Variants in PTPRD observed in about 807,000 individuals in gnomAD.
PTPRD encodes the protein protein tyrosine phosphatase receptor type D.
Under a neutral mutation model 214.5 loss-of-function variants are expected in PTPRD, and 34 were observed. The ratio of observed to expected loss-of-function variants is 0.16; its 90% CI spans 0.12 to 0.21. The LOEUF (loss-of-function observed/expected upper bound fraction) is 0.21, where lower values mean the gene tolerates loss of function less well. Among genes scored for constraint, PTPRD ranks in the 10% least tolerant of loss-of-function variants. The pLI is 1.00. For missense variants in PTPRD, 2,545 were observed against 2,398.7 expected, an observed-to-expected ratio of 1.06 and a Z score of -1.27; for synonymous variants, 1,128 against 845.7, an observed-to-expected ratio of 1.33 and a Z score of -5.79.
rs139834046 is a variant in PTPRD, at chr9:10,377,287, C to A, written c.-599-36270G>T. 3.4e-3 allele frequency among the ~76,000 whole-genome samples: 523 copies of A among 151,838 alleles called. 6 individuals are homozygous for A. The highest frequency in any genetic ancestry group is 0.012 in the African/African-American group (496 of 41,420). The stretch of plus-strand genomic sequence containing the variant: ...CCATTATGTATAAGTACCACATTTT[C>A]TTTTATTATTATTATTATTATACTT... On this transcript the variant is annotated intron_variant, in intron 2 of 45. Coordinates refer to ENST00000381196, the MANE Select transcript of PTPRD (RefSeq NM_002839.4).
chr9:10,270,784 C>G (rs1247691148), intron 3 of PTPRD, among the ~76,000 whole-genome samples: 1 of 152,158 alleles, frequency 6.6e-6, no homozygotes, highest in Non-Finnish European at 1.5e-5. Context: ...AAGAAATGAT[C>G]TGAAATATAC....
At chr9:10,536,614 T>C (rs79507915) in intron 2 of PTPRD, among the ~76,000 whole-genome samples, 85 of 152,286 alleles carry the variant, frequency 5.6e-4, no homozygotes, top group African/African-American at 2.0e-3. Flanking sequence ...TATGTTTTGC[T>C]GGAACTATGC....
At chr9:9,926,917 A>G (rs1246261649) in intron 5 of PTPRD, among the ~76,000 whole-genome samples, 1 of 152,160 alleles carries the variant, frequency 6.6e-6, no homozygotes, top group Non-Finnish European at 1.5e-5. Flanking sequence ...GTAGCACACC[A>G]AGATTAGTTT....
At position 9,387,841 on chromosome 9, in the gene PTPRD, G is replaced by T. The variant is rs748172783; in HGVS notation, c.-203+9608C>A. ...CTATGGCAATGTCTGTGGTAAAAAT[G>T]AATGTTTTTCATTTCATTTTCATTA... On this transcript the variant is annotated intron_variant, in intron 9 of 45. Coordinates refer to ENST00000381196, the MANE Select transcript of PTPRD (RefSeq NM_002839.4). 2.0e-5 allele frequency among the ~76,000 whole-genome samples: 3 copies of T among 152,226 alleles called. No individual in the cohort carries two copies. The East Asian group carries it at 5.8e-4, about 29-fold the overall frequency.
chr9:9,523,643 G>A (rs2097048412), intron 8 of PTPRD, among the ~76,000 whole-genome samples: 10 of 152,040 alleles, frequency 6.6e-5, no homozygotes, highest in Admixed American at 6.5e-4. Context: ...AGCAAACTAT[G>A]AAGGGCTGTT....
chr9:8,693,590 T>C (rs2097852029), intron 12 of PTPRD, among the ~76,000 whole-genome samples: 2 of 152,188 alleles, frequency 1.3e-5, no homozygotes, highest in African/African-American at 4.8e-5. Flanking sequence ...ACGAGGGGTG[T>C]ACATCAATCA....
At chr9:8,329,577 CAGGTGGGGATGT>C (rs1267296501) in intron 44 of PTPRD, among the ~76,000 whole-genome samples, 2 of 152,102 alleles carry the variant, frequency 1.3e-5, no homozygotes, top group Non-Finnish European at 2.9e-5. Flanking sequence ...TCAGAGCTGC[CAGGTGGGGATGT>C]TTACGTCTGC....
intron 3 of PTPRD, among the ~76,000 whole-genome samples, chr9:10,167,644 C>A (rs1389491218): frequency 1.3e-5 from 2 of 152,132 alleles, no homozygotes; most frequent in Admixed American, 6.5e-5. Context: ...ATGAAGTTTT[C>A]TGTTTAATAC....
rs2130699198 is a variant in PTPRD at position 8,319,842 on chromosome 9, C to A, written c.5659G>T (p.Val1887Leu). 6.2e-7 allele frequency: 1 copy of A among 1,612,822 alleles called. No individual in the cohort carries two copies. The highest frequency in any genetic ancestry group is 8.5e-7 in the Non-Finnish European group (1 of 1,179,294). Reference sequence around the variant, plus strand: ...ATGGATTTTCTCACCTCTGTCTGTACCATAGCTGGTCGTTGTGTTCTTAAC... The same window carrying A: ...ATGGATTTTCTCACCTCTGTCTGTAACATAGCTGGTCGTTGTGTTCTTAAC... ...KMLRTQRPAM[V>L]QTEDQYQFSY... Residue 1887 changes from valine to leucine, a missense_variant, in exon 45 of 46, where the codon GTA becomes TTA. Physicochemically the swap from Val to Leu is conservative, Grantham distance 32 (BLOSUM62 1). Coordinates refer to ENST00000381196, the MANE Select transcript of PTPRD (RefSeq NM_002839.4).
intron 14 of PTPRD, among the ~76,000 whole-genome samples, chr9:8,559,062 C>A (rs2085122401): frequency 6.6e-6 from 1 of 152,132 alleles, no homozygotes; most frequent in Non-Finnish European, 1.5e-5. Context: ...TTGTTTCTAT[C>A]TCTTTTATGC....
At chr9:10,188,953 C>A (rs1445480996) in intron 3 of PTPRD, among the ~76,000 whole-genome samples, 1 of 151,970 alleles carries the variant, frequency 6.6e-6, no homozygotes. Flanking sequence ...CTGCTGTAAC[C>A]ATTTGAAGGC....
At chr9:8,652,714 C>CT (rs1378517644) in intron 12 of PTPRD, among the ~76,000 whole-genome samples, 4 of 152,262 alleles carry the variant, frequency 2.6e-5, no homozygotes, top group African/African-American at 9.6e-5. Flanking sequence ...ATCCCAAGTA[C>CT]TTGAGTGTTA....
intron 5 of PTPRD, among the ~76,000 whole-genome samples, chr9:9,767,085 A>G (rs1039857665): frequency 6.6e-6 from 1 of 151,964 alleles, no homozygotes; most frequent in African/African-American, 2.4e-5. Flanking sequence ...TTGAACCCAA[A>G]GGACTTCTGT....
At chr9:9,488,931 G>T (rs908007447) in intron 8 of PTPRD, among the ~76,000 whole-genome samples, 2 of 152,106 alleles carry the variant, frequency 1.3e-5, no homozygotes, top group African/African-American at 4.8e-5. Flanking sequence ...TCTTTGCTTG[G>T]ATTGCTGATT....
chr9:9,879,582 A>T (rs776436256), intron 5 of PTPRD, among the ~76,000 whole-genome samples: 6 of 152,182 alleles, frequency 3.9e-5, no homozygotes, highest in Non-Finnish European at 5.9e-5. Flanking sequence ...ACAATTATAT[A>T]TTTTTTTCCA....
chr9:10,553,298 T>G, intron 2 of PTPRD, among the ~76,000 whole-genome samples: 1 of 152,074 alleles, frequency 6.6e-6, no homozygotes. Flanking sequence ...ACTTTTGTGA[T>G]TATGCTTGAG....
At position 10,420,097 on chromosome 9, in the gene PTPRD, A is replaced by C. The variant is rs117912650; in HGVS notation, c.-599-79080T>G. ...ATGATAAAATAATGACAATAATAAT[A>C]ATCATCATAAAATGAGTAAAAAGAG... On this transcript the variant is annotated intron_variant, in intron 2 of 45. Transcript: ENST00000381196. 9.1e-4 allele frequency among the ~76,000 whole-genome samples: 138 copies of C among 151,962 alleles called. 1 individual carries two copies. In the East Asian group the frequency reaches 0.018, roughly 20 times the overall value.
intron 4 of PTPRD, among the ~76,000 whole-genome samples, chr9:10,017,229 T>C (rs2096737902): frequency 6.6e-6 from 1 of 152,312 alleles, no homozygotes; most frequent in South Asian, 2.1e-4. Context: ...TGATAGCATA[T>C]TTTCATAAAG....
At chr9:9,369,261 C>G (rs566734398) in intron 9 of PTPRD, among the ~76,000 whole-genome samples, 1,678 of 152,210 alleles carry the variant, frequency 0.011, 31 homozygotes, top group African/African-American at 0.038. Context: ...CACATCCTCT[C>G]CAGCACCTGT....
Sources: allele counts gnomAD v4.1 joint callset (sites outside exome capture counted in the v4.1 genomes callset), GRCh38; gene constraint gnomAD v4.1.1; transcripts MANE v1.5; gene names NCBI Gene and HGNC (gene_info 2026-07-23, HGNC 2026-07-21).